Variants in THAP8 observed in about 807,000 individuals in gnomAD.
The protein encoded by THAP8 is THAP domain-containing protein 8.
A neutral mutation model predicts 25.0 loss-of-function variants in THAP8; 24 were observed. The observed-to-expected ratio is 0.96, with a 90% CI of 0.69 to 1.35. The LOEUF (loss-of-function observed/expected upper bound fraction) is 1.35. Ranked by LOEUF, THAP8 falls within the 40% of genes most tolerant of loss-of-function variation. The pLI is 0.00. For missense variants in THAP8, 399 were observed against 368.8 expected (o/e 1.08, Z -0.67); for synonymous variants, 169 against 157.6 (o/e 1.07, Z -0.54).
In THAP8 at chr19:36,035,216, G is replaced by A; in HGVS notation, c.*224C>T. 5.8e-6 allele frequency: 3 copies of A among 514,082 alleles called. No individual in the cohort carries two copies. The highest frequency in any genetic ancestry group is 1.0e-5 in the Non-Finnish European group (3 of 294,494). 31.8% of individuals were successfully genotyped at this position (514,082 alleles called of 1,614,324 possible). On this transcript the variant is annotated 3_prime_UTR_variant, in exon 4 of 4. Coordinates refer to ENST00000292894, the MANE Select transcript of THAP8 (RefSeq NM_152658.3). ...TTTGCAAAGATCTGAGCCGGGGGTG[G>A]CAGAAGCCTGGTACCCAGGGGATTG...
At chr19:36,041,015 T>C (rs1969674000) in intron 1 of THAP8, among the ~76,000 whole-genome samples, 1 of 151,958 alleles carries the variant, frequency 6.6e-6, no homozygotes, top group Non-Finnish European at 1.5e-5. Context: ...ATAAGATAAT[T>C]GTAAGAAACT....
At chr19:36,045,567 C>A in intron 1 of THAP8, 1 of 368,952 alleles carries the variant, frequency 2.7e-6, no homozygotes, top group South Asian at 2.0e-5. Context: ...CTGTGCCAGG[C>A]CTGAATATTA....
chr19:36,051,882 G>A (rs1203929969), intron 1 of THAP8, among the ~76,000 whole-genome samples: 2 of 152,118 alleles, frequency 1.3e-5, no homozygotes, highest in Admixed American at 1.3e-4. Context: ...AGCTTCATCT[G>A]TATTTACAGC....
chr19:36,054,396 G>GC (rs1970223051), upstream of THAP8: 2 of 690,646 alleles, frequency 2.9e-6, no homozygotes, highest in African/African-American at 3.5e-5. Context: ...CCTCCACAGT[G>GC]CCACAGTCCC....
Position 36,039,607 on chromosome 19 carries a change from G to C in THAP8, c.388C>G (p.Leu130Val). The change falls in exon 3 of 4, where the codon CTA (leucine) becomes GTA (valine). Residue 130 changes from leucine (L) to valine (V), a missense_variant. Coordinates refer to ENST00000292894, the MANE Select transcript of THAP8 (RefSeq NM_152658.3). ...CCCGATGTGGGGCCCAGCACCACTA[G>C]GCGCACTGGGCCAGAGACTGGGATG... ...PAIPVSGPVR[L>V]VVLGPTSGSP... 1 of 1,511,008 alleles carries C rather than the reference G, an allele frequency of 6.6e-7. No individual in the cohort carries two copies. The highest frequency in any genetic ancestry group is 8.9e-7 in the Non-Finnish European group (1 of 1,126,540). 93.6% of individuals were successfully genotyped at this position (1,511,008 alleles called of 1,614,324 possible).
intron 1 of THAP8, among the ~76,000 whole-genome samples, chr19:36,048,171 T>A (rs1395435201): frequency 6.6e-6 from 1 of 152,178 alleles, no homozygotes; most frequent in Non-Finnish European, 1.5e-5. Flanking sequence ...GATAGTTTAT[T>A]CAGCCTGAGA....
At chr19:36,040,543 T>C (rs1188552992) in intron 1 of THAP8, among the ~76,000 whole-genome samples, 1 of 152,188 alleles carries the variant, frequency 6.6e-6, no homozygotes, top group Non-Finnish European at 1.5e-5. Context: ...GCCAGGCTGG[T>C]CTTGAACTCC....
At chr19:36,046,687 G>A (rs959273703) in intron 1 of THAP8, among the ~76,000 whole-genome samples, 9 of 152,174 alleles carry the variant, frequency 5.9e-5, no homozygotes, top group African/African-American at 1.9e-4. Flanking sequence ...AAGATCTATT[G>A]CAACAGCATT....
At chr19:36,041,953 T>C (rs1346345432) in intron 1 of THAP8, among the ~76,000 whole-genome samples, 5 of 152,134 alleles carry the variant, frequency 3.3e-5, no homozygotes, top group Non-Finnish European at 7.3e-5. Flanking sequence ...GGTGTGGCAA[T>C]GTGCATCTAT....
At chr19:36,054,305 T>TC, upstream of THAP8, 2 of 1,469,854 alleles carry the variant, frequency 1.4e-6, no homozygotes, top group Non-Finnish European at 1.9e-6. Context: ...CCACCCGCGC[T>TC]CGCCGCCTGC....
chr19:36,037,645 T>G (rs936935027), intron 3 of THAP8, among the ~76,000 whole-genome samples: 3 of 152,124 alleles, frequency 2.0e-5, no homozygotes, highest in Non-Finnish European at 2.9e-5. Flanking sequence ...AGGTTTTTTT[T>G]GTTTGTTTTT....
In THAP8 at chr19:36,039,486, T is replaced by C; in HGVS notation, c.509A>G (p.Gln170Arg). 1 of 1,589,958 alleles carries C rather than the reference T, an allele frequency of 6.3e-7. No individual in the cohort carries two copies. Among genetic ancestry groups the C allele is most frequent in the South Asian group, 1.1e-5 (1 of 88,664 alleles). The change falls in exon 3 of 4, where the codon CAG becomes CGG. Residue 170 changes from glutamine (Q) to arginine (R), a missense_variant. Gln to Arg is a conservative substitution (Grantham distance 43). Coordinates refer to ENST00000292894, the MANE Select transcript of THAP8 (RefSeq NM_152658.3). ...TCCCAGCACTGGGCCCAGCCCGGTC[T>C]GGGCCTGTTGGGCAGGGACTTCAGG... Reference protein sequence around the residue: ...SQPEVPAQQAQTGLGPVLGAL... With the variant: ...SQPEVPAQQARTGLGPVLGAL...
At chr19:36,054,602 G>A, upstream of THAP8, 2 of 540,988 alleles carry the variant, frequency 3.7e-6, no homozygotes, top group Middle Eastern at 5.0e-4. Context: ...CAACCGTTGG[G>A]GCGCACATAG....
At chr19:36,039,800 G>T in intron 2 of THAP8, 82 bp from the exon 3 acceptor site, 1 of 1,505,038 alleles carries the variant, frequency 6.6e-7, no homozygotes, top group East Asian at 2.4e-5. Flanking sequence ...CTGTTTCCAA[G>T]GGGGACTTGC....
At chr19:36,051,192 A>G (rs1393193512) in intron 1 of THAP8, among the ~76,000 whole-genome samples, 1 of 152,150 alleles carries the variant, frequency 6.6e-6, no homozygotes, top group Non-Finnish European at 1.5e-5. Context: ...TTGAAATCAG[A>G]GGGAATCACA....
At chr19:36,042,279 AT>A (rs1397859108) in intron 1 of THAP8, among the ~76,000 whole-genome samples, 22 of 152,322 alleles carry the variant, frequency 1.4e-4, no homozygotes, top group Admixed American at 1.1e-3. Context: ...TTCTGCTTAC[AT>A]ACCCAAAAGA....
intron 1 of THAP8, among the ~76,000 whole-genome samples, chr19:36,053,743 T>A (rs568429471): frequency 6.6e-6 from 1 of 152,214 alleles, no homozygotes; most frequent in African/African-American, 2.4e-5. Context: ...TGAAGCACGC[T>A]ACTAAGATAA....
At chr19:36,044,159 T>C (rs1043965246) in intron 1 of THAP8, among the ~76,000 whole-genome samples, 1 of 152,194 alleles carries the variant, frequency 6.6e-6, no homozygotes, top group Non-Finnish European at 1.5e-5. Context: ...CAGTTTGTCC[T>C]TAGCAGCTGC....
intron 1 of THAP8, among the ~76,000 whole-genome samples, chr19:36,043,756 C>T (rs118069038): frequency 0.014 from 2,158 of 152,104 alleles, 118 homozygotes; most frequent in South Asian, 0.12. Context: ...GGCCTGGTGG[C>T]GTGTCCCTGT....
Sources: allele counts gnomAD v4.1 joint callset (sites outside exome capture counted in the v4.1 genomes callset), GRCh38; gene constraint gnomAD v4.1.1; transcripts MANE v1.5; gene names NCBI Gene and HGNC (gene_info 2026-07-23, HGNC 2026-07-21).